ASMTL: variants seen among roughly 807,000 people sequenced by gnomAD.
ASMTL encodes probable bifunctional dTTP/UTP pyrophosphatase/methyltransferase protein.
A neutral mutation model predicts 60.3 loss-of-function variants in ASMTL; 57 were observed. The ratio of observed to expected loss-of-function variants is 0.95; its 90% CI spans 0.76 to 1.18. The LOEUF is 1.18. Among genes scored for constraint, ASMTL ranks in the 50% most tolerant of loss-of-function variants. The pLI is 0.00. For missense variants in ASMTL, 981 were observed against 852.6 expected (o/e 1.15, Z -1.88); for synonymous variants, 419 against 373.0 (o/e 1.12, Z -1.42).
At chrX:1,424,962 CCA>C (rs1300339310) in intron 8 of ASMTL, among the ~76,000 whole-genome samples, 8 of 130,070 alleles carry the variant, frequency 6.2e-5, no homozygotes, top group East Asian at 2.6e-4. Context: ...ATCCATCCAT[CCA>C]TCCATCCCTC....
rs2091150992 is a variant in ASMTL at position 1,443,253 on chromosome X, ACGCCGCCG to A, written c.94-944_94-937del. 4.2e-5 allele frequency among the ~76,000 whole-genome samples: 5 copies of A among 118,090 alleles called. No individual in the cohort carries two copies. In the South Asian group the frequency reaches 7.7e-4, roughly 18 times the overall value. The allele number at this position is 118,090 out of a possible 152,430, so 77.5% of individuals were successfully genotyped here. On this transcript the variant is annotated intron_variant, in intron 1 of 12. Transcript: ENST00000381317. ...GCACACACACCGCCGTCGTGGACAC[ACGCCGCCG>A]TCTTGGACACACACCGCCATCATGG...
At chrX:1,439,620 G>A (rs1194622223) in intron 2 of ASMTL, among the ~76,000 whole-genome samples, 19 of 152,220 alleles carry the variant, frequency 1.2e-4, no homozygotes, top group African/African-American at 4.3e-4. Flanking sequence ...GCCGAGGCGG[G>A]CGCATCTCCT....
At chrX:1,436,885 C>T (rs2090980050) in intron 3 of ASMTL, among the ~76,000 whole-genome samples, 1 of 152,214 alleles carries the variant, frequency 6.6e-6, no homozygotes, top group Non-Finnish European at 1.5e-5. Flanking sequence ...TAGCAAAGTC[C>T]TACAACCCAG....
intron 9 of ASMTL, among the ~76,000 whole-genome samples, chrX:1,420,960 A>ATTTTT (rs57552675): frequency 1.5e-5 from 2 of 135,496 alleles, no homozygotes; most frequent in African/African-American, 2.8e-5. Context: ...CTAATCGTTA[A>ATTTTT]TTTTTTTTTT....
intron 1 of ASMTL, among the ~76,000 whole-genome samples, chrX:1,448,733 T>G (rs1197201412): frequency 1.3e-5 from 2 of 149,496 alleles, no homozygotes; most frequent in Non-Finnish European, 3.0e-5. Context: ...ACACACCATC[T>G]GGGACACACA....
rs747051372 is a variant in ASMTL, at chrX:1,412,782, T to C, written c.1595A>G (p.Asp532Gly). Residue 532 changes from aspartate (D) to glycine (G), a missense_variant, in exon 12 of 13, where the codon GAC becomes GGC. Transcript: ENST00000381317. ...GCTGAGTAACTTGTGGACTTTGTCG[T>C]CTGGCCAGTCATGCAGGATCCGGCA... ...VLCRILHDWP[D>G]DKVHKLLSRV... 18 of 1,613,776 alleles carry C rather than the reference T, an allele frequency of 1.1e-5. No individual in the cohort carries two copies. In the Admixed American group the frequency reaches 2.8e-4, roughly 25 times the overall value.
chrX:1,417,916 A>G lies in ASMTL; in HGVS notation c.1522+57T>C, dbSNP rs772025778. The stretch of plus-strand genomic sequence containing the variant: ...GCACACACAGCCATGCCCTCTGTCT[A>G]GAAAGAGATGCTGCAGTCTGGAAAA... On this transcript the variant is annotated intron_variant, in intron 11 of 12. Coordinates refer to ENST00000381317, the MANE Select transcript of ASMTL (RefSeq NM_004192.4). 29 of 1,554,884 alleles carry G rather than the reference A, an allele frequency of 1.9e-5. No individual in the cohort carries two copies. The African/African-American group carries it at 3.0e-4, about 16-fold the overall frequency.
chrX:1,430,894 A>C (rs1377507302), intron 6 of ASMTL, among the ~76,000 whole-genome samples: 9 of 144,118 alleles, frequency 6.2e-5, no homozygotes, highest in African/African-American at 2.3e-4. Flanking sequence ...TATTTTATAT[A>C]ATTATATATT....
At chrX:1,403,641 G>GGA (rs1455184550) in intron 12 of ASMTL, 152 bp from the exon 13 acceptor site, 8 of 656,790 alleles carry the variant, frequency 1.2e-5, no homozygotes, top group African/African-American at 1.8e-5. Context: ...GTAGGGGAGG[G>GGA]GAGAGAGACA....
At chrX:1,438,427 A>C (rs1172159363) in intron 3 of ASMTL, among the ~76,000 whole-genome samples, 2 of 152,186 alleles carry the variant, frequency 1.3e-5, no homozygotes, top group African/African-American at 2.4e-5. Flanking sequence ...CTGGAGAAAG[A>C]CCAAGACCAA....
At position 1,427,762 on chromosome X, in the gene ASMTL, T is replaced by A. The variant is rs758604258; in HGVS notation, c.869A>T (p.Glu290Val). 2 of 1,612,558 alleles carry A rather than the reference T, an allele frequency of 1.2e-6. No homozygotes were observed. The highest frequency in any genetic ancestry group is 1.3e-5 in the African/African-American group (1 of 75,018). Reference protein sequence around the residue: ...TLPPFPTRLLELIEGFMLSKG... With the variant: ...TLPPFPTRLLVLIEGFMLSKG... ...GGATAGCATAAAGCCCTCAATCAGC[T>A]CCAGGAGGCGTGTCGGGAACGGAGG... Residue 290 changes from glutamate to valine, a missense_variant, in exon 7 of 13, where the codon GAG becomes GTG. Coordinates refer to ENST00000381317, the MANE Select transcript of ASMTL (RefSeq NM_004192.4).
At chrX:1,407,472 T>TG (rs1261526856) in intron 12 of ASMTL, among the ~76,000 whole-genome samples, 3 of 150,014 alleles carry the variant, frequency 2.0e-5, no homozygotes, top group Non-Finnish European at 4.4e-5. Flanking sequence ...GATGAATAGA[T>TG]GGATAGATGG....
chrX:1,413,371 G>A (rs2090111157), intron 11 of ASMTL, among the ~76,000 whole-genome samples: 1 of 152,150 alleles, frequency 6.6e-6, no homozygotes, highest in African/African-American at 2.4e-5. Context: ...AAAAAGCAGG[G>A]AATTCAGGGG....
At chrX:1,405,329 C>T (rs190599990) in intron 12 of ASMTL, among the ~76,000 whole-genome samples, 24 of 124,710 alleles carry the variant, frequency 1.9e-4, no homozygotes, top group African/African-American at 7.2e-4. Context: ...GATGATGGAT[C>T]GTTAGGTGGA....
Position 1,403,308 on chromosome X carries a change from A to C in ASMTL, c.1827T>G (p.Gly609=). 3 of 1,612,884 alleles carry C rather than the reference A, an allele frequency of 1.9e-6. No homozygotes were observed. Among genetic ancestry groups the C allele is most frequent in the Non-Finnish European group, 2.5e-6 (3 of 1,179,774 alleles). The change falls in exon 13 of 13, where the codon GGT becomes GGG. Residue 609 remains glycine, a synonymous_variant. Transcript: ENST00000381317. ...TGGTGGCCAAGATGGCATCCAGGAC[A>C]CCCCCCAAGTGCACCACCTGCACCT... ...FHQVQVVHLG[G]VLDAILATKV...
At chrX:1,451,325 G>T (rs1199425179) in intron 1 of ASMTL, among the ~76,000 whole-genome samples, 1 of 137,844 alleles carries the variant, frequency 7.3e-6, no homozygotes, top group Non-Finnish European at 1.6e-5. Context: ...TCCCTAGGTG[G>T]TCCTGGGTCA....
intron 1 of ASMTL, among the ~76,000 whole-genome samples, chrX:1,443,082 ACAC>A (rs2091143199): frequency 6.8e-6 from 1 of 146,520 alleles, no homozygotes; most frequent in African/African-American, 2.7e-5. Context: ...TCGTGGACAC[ACAC>A]TGCCATCTGG....
At position 1,421,737 on chromosome X, in the gene ASMTL, G is replaced by C; in HGVS notation, c.1166C>G (p.Thr389Arg). The change falls in exon 9 of 13, where the codon ACA becomes AGA. Residue 389 changes from threonine (T) to arginine (R), a missense_variant. Transcript: ENST00000381317. ...CTCTCGGATGGCAAACTCCAGGTAT[G>C]TAAAGAGGTTCCATGTGAGGTCATT... ...HNNDLTWNLF[T>R]YLEFAIREGT... is the part of the protein sequence containing the mutation. 1 of 1,613,948 alleles carries C rather than the reference G, an allele frequency of 6.2e-7. No homozygotes were observed.
rs2090819879 is a variant in ASMTL at position 1,432,368 on chromosome X, A to G, written c.410T>C (p.Leu137Pro). ...IVHCSSKDHQ[L>P]DTRVSEFYEE... is the part of the protein sequence containing the mutation. ...GTAGAATTCCGAGACCCTGGTGTCC[A>G]GCTGATGGTCTGCAAGGACACAGCC... The change falls in exon 6 of 13, where the codon CTG (leucine) becomes CCG (proline). Residue 137 changes from leucine to proline, a missense_variant. By Grantham distance (98) the Leu-to-Pro change is moderately conservative. Coordinates refer to ENST00000381317, the MANE Select transcript of ASMTL (RefSeq NM_004192.4). 6.2e-7 allele frequency: 1 copy of G among 1,612,436 alleles called. No individual in the cohort carries two copies. The highest frequency in any genetic ancestry group is 8.5e-7 in the Non-Finnish European group (1 of 1,179,478).
Sources: allele counts gnomAD v4.1 joint callset (sites outside exome capture counted in the v4.1 genomes callset), GRCh38; gene constraint gnomAD v4.1.1; transcripts MANE v1.5; gene names NCBI Gene and HGNC (gene_info 2026-07-23, HGNC 2026-07-21).